The following GRIN2A variants were observed in gnomAD, a reference collection of about 807,000 sequenced individuals.
The protein encoded by GRIN2A is glutamate receptor ionotropic, NMDA 2A.
A neutral mutation model predicts 113.4 loss-of-function variants in GRIN2A; 22 were observed. The observed-to-expected ratio is 0.19, with a 90% CI of 0.14 to 0.28. GRIN2A has a LOEUF of 0.28. Among genes scored for constraint, GRIN2A ranks in the 10% least tolerant of loss-of-function variants. The pLI, the probability that GRIN2A is intolerant of heterozygous loss-of-function variation, is 1.00. For synonymous variants in GRIN2A, 827 were observed against 738.4 expected (o/e 1.12, Z -1.94); for missense variants, 1,502 against 1,887.0 (o/e 0.80, Z 3.78).
intron 2 of GRIN2A, among the ~76,000 whole-genome samples, chr16:10,008,280 G>A (rs1045619212): frequency 6.6e-6 from 1 of 152,164 alleles, no homozygotes; most frequent in Non-Finnish European, 1.5e-5. Flanking sequence ...ACCCCATGGT[G>A]GCTTCCAACA....
At chr16:9,829,770 A>G in intron 8 of GRIN2A, 118 bp from the exon 9 acceptor site, 3 of 727,438 alleles carry the variant, frequency 4.1e-6, no homozygotes, top group Non-Finnish European at 7.6e-6. Context: ...GAATTATATC[A>G]TAGTTGTGTC....
intron 2 of GRIN2A, among the ~76,000 whole-genome samples, chr16:10,166,033 G>A (rs886218402): frequency 3.9e-5 from 6 of 152,040 alleles, no homozygotes; most frequent in Admixed American, 6.6e-5. Context: ...TCTTCACATC[G>A]TTCTGAGTCT....
chr16:9,772,986 A>G (rs895210923), intron 11 of GRIN2A, among the ~76,000 whole-genome samples: 3 of 151,390 alleles, frequency 2.0e-5, no homozygotes, highest in African/African-American at 7.3e-5. Context: ...GCCTGTTCCA[A>G]TCATTTTCAA....
intron 2 of GRIN2A, among the ~76,000 whole-genome samples, chr16:10,025,754 T>A (rs2141909209): frequency 6.6e-6 from 1 of 152,282 alleles, no homozygotes; most frequent in Middle Eastern, 3.4e-3. Flanking sequence ...CCTGCCTCCC[T>A]ATATCGGCTG....
chr16:9,869,242 G>C (rs149118843), intron 4 of GRIN2A, among the ~76,000 whole-genome samples: 1 of 152,158 alleles, frequency 6.6e-6, no homozygotes, highest in Non-Finnish European at 1.5e-5. Flanking sequence ...AGACCAGCCC[G>C]GGCAACATGG....
At chr16:10,015,272 G>GA (rs1189929832) in intron 2 of GRIN2A, among the ~76,000 whole-genome samples, 82 of 76,058 alleles carry the variant, frequency 1.1e-3, no homozygotes, top group East Asian at 1.9e-3. Context: ...AAAAAAAAAA[G>GA]AAAAAAAAAA....
chr16:10,136,269 G>A (rs916240738), intron 2 of GRIN2A, among the ~76,000 whole-genome samples: 1 of 151,844 alleles, frequency 6.6e-6, no homozygotes, highest in Non-Finnish European at 1.5e-5. Context: ...ACACACACAC[G>A]CAATATCATC....
chr16:9,959,372 C>A (rs894941849), intron 2 of GRIN2A, among the ~76,000 whole-genome samples: 3 of 152,208 alleles, frequency 2.0e-5, no homozygotes, highest in Non-Finnish European at 2.9e-5. Context: ...TATTTCTATT[C>A]CTCATGCCCT....
intron 2 of GRIN2A, among the ~76,000 whole-genome samples, chr16:10,078,539 C>A (rs2047919084): frequency 1.3e-5 from 2 of 152,094 alleles, no homozygotes; most frequent in African/African-American, 4.8e-5. Context: ...AATAGGGAAT[C>A]CTCAGAGCAC....
intron 2 of GRIN2A, among the ~76,000 whole-genome samples, chr16:10,166,413 C>T (rs1198198918): frequency 6.6e-6 from 1 of 152,164 alleles, no homozygotes; most frequent in African/African-American, 2.4e-5. Context: ...TCTGCTCCTC[C>T]ATGAGCCAGC....
chr16:9,921,882 C>T (rs1244846926), intron 3 of GRIN2A, among the ~76,000 whole-genome samples: 1 of 152,160 alleles, frequency 6.6e-6, no homozygotes, highest in Non-Finnish European at 1.5e-5. Context: ...AAAACATTAA[C>T]CCTGTCTCTT....
intron 3 of GRIN2A, among the ~76,000 whole-genome samples, chr16:9,893,906 G>C (rs1230327395): frequency 2.0e-5 from 3 of 152,194 alleles, no homozygotes; most frequent in African/African-American, 7.2e-5. Flanking sequence ...AAAAAACACA[G>C]TGTTTGTCTT....
chr16:9,990,401 G>T (rs1471616200), intron 2 of GRIN2A, among the ~76,000 whole-genome samples: 1 of 151,954 alleles, frequency 6.6e-6, no homozygotes, highest in African/African-American at 2.4e-5. Flanking sequence ...GAGGGAGGGG[G>T]TCAAGGGTTG....
intron 2 of GRIN2A, among the ~76,000 whole-genome samples, chr16:10,080,037 G>C (rs1175336548): frequency 3.3e-5 from 5 of 152,196 alleles, no homozygotes; most frequent in Non-Finnish European, 5.9e-5. Flanking sequence ...GCACTTTTGT[G>C]CATATTAATC....
chr16:9,792,793 T>A (rs1368399824), intron 11 of GRIN2A, among the ~76,000 whole-genome samples: 1 of 152,206 alleles, frequency 6.6e-6, no homozygotes, highest in Non-Finnish European at 1.5e-5. Flanking sequence ...CGCTTCTCAA[T>A]ACTAAAAAGT....
intron 2 of GRIN2A, among the ~76,000 whole-genome samples, chr16:9,977,541 C>A (rs1362629191): frequency 2.0e-5 from 3 of 152,264 alleles, no homozygotes; most frequent in South Asian, 4.1e-4. Context: ...GAGTTCTGTG[C>A]GCACGCTAGG....
At chr16:10,098,930 C>A (rs531985922) in intron 2 of GRIN2A, among the ~76,000 whole-genome samples, 1 of 144,226 alleles carries the variant, frequency 6.9e-6, no homozygotes, top group South Asian at 2.2e-4. Flanking sequence ...CTACTGTCCC[C>A]CCTCCCCCCC....
At chr16:9,989,176 G>A (rs12927298) in intron 2 of GRIN2A, among the ~76,000 whole-genome samples, 16,466 of 152,098 alleles carry the variant, frequency 0.11, 1,148 homozygotes, top group Non-Finnish European at 0.14. Flanking sequence ...CAAACAGCAT[G>A]GTACTGGTAA....
At chr16:9,952,051 C>T (rs996806322) in intron 2 of GRIN2A, among the ~76,000 whole-genome samples, 10 of 152,130 alleles carry the variant, frequency 6.6e-5, no homozygotes, top group Admixed American at 6.5e-5. Flanking sequence ...GTAGCAACCA[C>T]GAGAAATAAA....
Sources: allele counts gnomAD v4.1 joint callset (sites outside exome capture counted in the v4.1 genomes callset), GRCh38; gene constraint gnomAD v4.1.1; transcripts MANE v1.5; gene names NCBI Gene and HGNC (gene_info 2026-07-23, HGNC 2026-07-21).